The following SOX6 variants were observed in gnomAD, a reference collection of about 807,000 sequenced individuals.
SOX6 encodes transcription factor SOX-6.
Under a neutral mutation model 97.8 loss-of-function variants are expected in SOX6, and 11 were observed. The ratio of observed to expected loss-of-function variants is 0.11; its 90% CI spans 0.07 to 0.19. The LOEUF is 0.19. Ranked by LOEUF, SOX6 falls within the 10% of genes least tolerant of loss-of-function variation. SOX6 has a pLI of 1.00. For missense variants in SOX6, 810 were observed against 1,039.5 expected (o/e 0.78, Z 3.04); for synonymous variants, 360 against 371.4 (o/e 0.97, Z 0.35).
intron 4 of SOX6, among the ~76,000 whole-genome samples, chr11:16,545,344 CAA>C (rs71455887): frequency 3.1e-4 from 38 of 121,198 alleles, no homozygotes; most frequent in Non-Finnish European, 3.6e-4. Flanking sequence ...AGTCCAAGCC[CAA>C]AAAAAAAAAA....
chr11:16,357,692 T>A (rs978702586), upstream of SOX6, among the ~76,000 whole-genome samples: 2 of 152,170 alleles, frequency 1.3e-5, no homozygotes, highest in Admixed American at 1.3e-4. Flanking sequence ...TGTGTGTTAA[T>A]CTGGAATCAA....
At chr11:16,672,689 G>A (rs751726880) in intron 3 of SOX6, among the ~76,000 whole-genome samples, 3 of 152,156 alleles carry the variant, frequency 2.0e-5, no homozygotes, top group African/African-American at 4.8e-5. Context: ...AATTGTGAGA[G>A]TTACAATTCA....
chr11:15,984,813 T>A lies in SOX6; in HGVS notation c.2183+1391A>T, dbSNP rs117949926. ...CATCTGGTGTGATATAAAATATGGT[T>A]TTCTGTGATAGGAAATACATATTAA... On this transcript the variant is annotated intron_variant, in intron 15 of 15. Coordinates refer to ENST00000683767, the MANE Select transcript of SOX6 (RefSeq NM_001367873.1). Among the ~76,000 whole-genome samples, 977 of 152,314 alleles carry A rather than the reference T, an allele frequency of 6.4e-3. 10 individuals are homozygous for A. The highest frequency in any genetic ancestry group is 0.02 in the South Asian group (97 of 4,828).
chr11:16,489,370 A>T (rs1260159208), intron 4 of SOX6, among the ~76,000 whole-genome samples: 2 of 152,142 alleles, frequency 1.3e-5, no homozygotes, highest in African/African-American at 4.8e-5. Context: ...CCTACATCCA[A>T]AAATAAGGGA....
intron 1 of SOX6, among the ~76,000 whole-genome samples, chr11:16,427,968 T>C (rs1859185243): frequency 1.3e-5 from 2 of 152,148 alleles, no homozygotes; most frequent in Admixed American, 6.5e-5. Flanking sequence ...TGTTCCTATT[T>C]CTCCACATCC....
chr11:16,549,803 ATCT>A (rs1025958622), intron 4 of SOX6, among the ~76,000 whole-genome samples: 1 of 152,168 alleles, frequency 6.6e-6, no homozygotes, highest in African/African-American at 2.4e-5. Flanking sequence ...ACATGGATAA[ATCT>A]TCTTTCATTA....
rs1276154998 is a variant in SOX6, at chr11:16,037,742, A to G, written c.1623+8772T>C. ...TCTCTTCACTCTTGCACATCTCTCTAAAGGTCTCGCCCATTCTTTATTTAA... is the reference window on the plus strand; with the variant it reads ...TCTCTTCACTCTTGCACATCTCTCTGAAGGTCTCGCCCATTCTTTATTTAA... On this transcript the variant is annotated intron_variant, in intron 12 of 15. Coordinates refer to ENST00000683767, the MANE Select transcript of SOX6 (RefSeq NM_001367873.1). Among the ~76,000 whole-genome samples the G allele has an allele frequency of 4.6e-5, 7 of 152,252 alleles. No individual in the cohort carries two copies. The South Asian group carries it at 1.2e-3, about 27-fold the overall frequency.
chr11:16,736,902 CTTT>C (rs1564881082), intron 1 of SOX6, among the ~76,000 whole-genome samples: 2 of 152,094 alleles, frequency 1.3e-5, no homozygotes, highest in Admixed American at 6.5e-5. Context: ...TTAAGATGTT[CTTT>C]GTTTGGTTAT....
rs745483166 is a variant in SOX6, at chr11:16,111,787, A to G, written c.898+16T>C. 20 of 1,612,816 alleles carry G rather than the reference A, an allele frequency of 1.2e-5. No homozygotes were observed. In the South Asian group the frequency reaches 2.2e-4, roughly 18 times the overall value. ...CTGAGCATTTGGAAAAGAATGTTAA[A>G]TCCCTCTCTACTTACCTGGTTTGTA... On this transcript the variant is annotated intron_variant, in intron 7 of 15. Transcript: ENST00000683767.
intron 6 of SOX6, among the ~76,000 whole-genome samples, chr11:16,118,095 T>C (rs1849398093): frequency 6.6e-6 from 1 of 152,186 alleles, no homozygotes; most frequent in Non-Finnish European, 1.5e-5. Context: ...CCAAAATATA[T>C]CGCTGGGCAT....
At chr11:16,714,181 T>A (rs1282116844) in intron 3 of SOX6, among the ~76,000 whole-genome samples, 1 of 152,142 alleles carries the variant, frequency 6.6e-6, no homozygotes, top group Non-Finnish European at 1.5e-5. Context: ...AGTTTAGCTA[T>A]CTTATAGTTC....
At chr11:16,379,390 C>T (rs1378427883) in intron 1 of SOX6, among the ~76,000 whole-genome samples, 2 of 151,710 alleles carry the variant, frequency 1.3e-5, no homozygotes, top group Non-Finnish European at 2.9e-5. Flanking sequence ...CGATTGAACC[C>T]GGGAGGCAGA....
chr11:16,263,468 T>C (rs945350498), intron 3 of SOX6, among the ~76,000 whole-genome samples: 3 of 151,966 alleles, frequency 2.0e-5, no homozygotes, highest in Non-Finnish European at 4.4e-5. Context: ...TGTAAGCCAT[T>C]GAATAGAATC....
chr11:16,572,843 ATT>A lies in SOX6; in HGVS notation n.609+39236_609+39237del, dbSNP rs572076928. Among the ~76,000 whole-genome samples, 19 of 152,292 alleles carry A rather than the reference ATT, an allele frequency of 1.2e-4. No individual in the cohort carries two copies. The South Asian group carries it at 3.9e-3, about 32-fold the overall frequency. ...CTACCCTAGCATTAACATAATGGCC[ATT>A]TGTACTTGTTGAAGAAATAAAAGGT... On this transcript the variant is annotated intron_variant and non_coding_transcript_variant, in intron 4 of 5. Coordinates refer to the SOX6 transcript ENST00000524520.
intron 3 of SOX6, among the ~76,000 whole-genome samples, chr11:16,691,021 C>T (rs1362292199): frequency 1.3e-5 from 2 of 152,192 alleles, no homozygotes; most frequent in East Asian, 3.8e-4. Flanking sequence ...GGGGAAACTA[C>T]GAGTCCTTGC....
chr11:16,079,016 T>C (rs1848416814), intron 9 of SOX6, among the ~76,000 whole-genome samples: 1 of 152,180 alleles, frequency 6.6e-6, no homozygotes, highest in Admixed American at 6.5e-5. Context: ...CGACTTTGTG[T>C]TCCATTCTGA....
At chr11:16,178,961 T>C (rs1195973229) in intron 6 of SOX6, among the ~76,000 whole-genome samples, 1 of 151,900 alleles carries the variant, frequency 6.6e-6, no homozygotes, top group Non-Finnish European at 1.5e-5. Context: ...GTCAATTAGA[T>C]ACTTAATGAT....
In SOX6 at chr11:16,583,626, T is replaced by TACACACACACAC. The variant is rs1848059112; in HGVS notation, n.609+28454_609+28455insGTGTGTGTGTGT. ...GTGTATATATATACATATATATATA[T>TACACACACACAC]ATATATATATACACATACACACACC... On this transcript the variant is annotated intron_variant and non_coding_transcript_variant, in intron 4 of 5. Coordinates refer to the SOX6 transcript ENST00000524520. 2.9e-5 allele frequency among the ~76,000 whole-genome samples: 4 copies of TACACACACACAC among 139,320 alleles called. No homozygotes were observed. The South Asian group carries it at 8.8e-4, about 31-fold the overall frequency. The allele number at this position is 139,320 out of a possible 152,430, so 91.4% of individuals were successfully genotyped here.
At chr11:16,414,820 A>T (rs1858894190) in intron 1 of SOX6, among the ~76,000 whole-genome samples, 1 of 152,188 alleles carries the variant, frequency 6.6e-6, no homozygotes, top group Admixed American at 6.5e-5. Flanking sequence ...TCAAGAAAAT[A>T]CAAACTGCTT....
Sources: allele counts gnomAD v4.1 joint callset (sites outside exome capture counted in the v4.1 genomes callset), GRCh38; gene constraint gnomAD v4.1.1; transcripts MANE v1.5; gene names NCBI Gene and HGNC (gene_info 2026-07-23, HGNC 2026-07-21).